Variants in SLC36A1 observed in about 807,000 individuals in gnomAD.
SLC36A1 encodes proton-coupled amino acid transporter 1.
A neutral mutation model predicts 47.5 loss-of-function variants in SLC36A1; 30 were observed. That is an observed-to-expected ratio of 0.63 (90% CI 0.47 to 0.86). SLC36A1 has a LOEUF of 0.86. Ranked by LOEUF, SLC36A1 falls within the 40% of genes least tolerant of loss-of-function variation. The pLI is 0.00. For synonymous variants in SLC36A1, 255 were observed against 249.7 expected, an observed-to-expected ratio of 1.02 and a Z score of -0.20; for missense variants, 517 against 606.0, an observed-to-expected ratio of 0.85 and a Z score of 1.54.
At chr5:151,360,801 G>C in the SLC36A1 span, among the ~76,000 whole-genome samples, 1 of 152,148 alleles carries the variant, frequency 6.6e-6, no homozygotes, top group Non-Finnish European at 1.5e-5. Flanking sequence ...CACTGCTGCT[G>C]CTTCTTCTTC....
chr5:151,393,171 T>G, the SLC36A1 span, among the ~76,000 whole-genome samples: 10 of 151,990 alleles, frequency 6.6e-5, 1 homozygote, highest in Middle Eastern at 3.4e-3. Context: ...CTTCTTTGTC[T>G]CTTTTGATCT....
chr5:151,514,286 T>C, the SLC36A1 span, among the ~76,000 whole-genome samples: 2 of 152,248 alleles, frequency 1.3e-5, no homozygotes, highest in African/African-American at 4.8e-5. Context: ...CATTTCTTTT[T>C]ATCTGTCTGG....
At chr5:151,486,054 G>A (rs1406491390) in intron 10 of SLC36A1, among the ~76,000 whole-genome samples, 1 of 152,184 alleles carries the variant, frequency 6.6e-6, no homozygotes, top group Non-Finnish European at 1.5e-5. Context: ...ACCTGAGACT[G>A]GGTAATTTAT....
Position 151,487,682 on chromosome 5 carries a change from AT to A in SLC36A1, c.1160-298del, listed in dbSNP as rs1374275039. On this transcript the variant is annotated intron_variant, in intron 10 of 10. Transcript: ENST00000243389. ...AGAAACCAGATTGACCTGAAATGTA[AT>A]TTGGTTCCTTTTGCACAGAAAGATG... Among the ~76,000 whole-genome samples the A allele has an allele frequency of 2.0e-5, 3 of 152,054 alleles. No homozygotes were observed. In the South Asian group the frequency reaches 6.2e-4, roughly 32 times the overall value.
intron 7 of SLC36A1, among the ~76,000 whole-genome samples, chr5:151,468,657 C>T (rs1170174496): frequency 6.6e-6 from 1 of 151,428 alleles, no homozygotes; most frequent in South Asian, 2.1e-4. Flanking sequence ...TTATGACAAC[C>T]AAAAATGTCT....
At chr5:151,525,750 GC>G in the SLC36A1 span, 1 of 1,613,894 alleles carries the variant, frequency 6.2e-7, no homozygotes, top group Non-Finnish European at 8.5e-7. Flanking sequence ...ACCACCAGAA[GC>G]CTAGCACAGC....
intron 10 of SLC36A1, among the ~76,000 whole-genome samples, chr5:151,484,950 T>C (rs188500050): frequency 6.6e-6 from 1 of 152,140 alleles, no homozygotes; most frequent in East Asian, 1.9e-4. Flanking sequence ...GCACCATCAC[T>C]GCAAGGATGA....
intron 7 of SLC36A1, among the ~76,000 whole-genome samples, chr5:151,473,214 AT>A (rs1439824486): frequency 1.1e-3 from 171 of 151,376 alleles, no homozygotes; most frequent in Middle Eastern, 3.4e-3. Flanking sequence ...AGATAGATAG[AT>A]AGATAGATAG....
chr5:151,538,731 G>A, the SLC36A1 span, among the ~76,000 whole-genome samples: 1 of 152,146 alleles, frequency 6.6e-6, no homozygotes, highest in Non-Finnish European at 1.5e-5. Context: ...AGGCTTGAGT[G>A]CAGTGGCACG....
intron 2 of SLC36A1, among the ~76,000 whole-genome samples, chr5:151,461,685 A>G (rs1415078007): frequency 6.6e-6 from 1 of 152,230 alleles, no homozygotes; most frequent in Non-Finnish European, 1.5e-5. Context: ...TGTAGAACGA[A>G]TCAAGGCAGT....
chr5:151,479,680 G>T (rs143376861), intron 10 of SLC36A1, 191 bp downstream of exon 10: 1 of 594,572 alleles, frequency 1.7e-6, no homozygotes, highest in Non-Finnish European at 2.9e-6. Flanking sequence ...CATATGTACT[G>T]TAAAGAACAT....
At chr5:151,433,991 T>C (rs989685422), upstream of SLC36A1, among the ~76,000 whole-genome samples, 1 of 152,172 alleles carries the variant, frequency 6.6e-6, no homozygotes, top group Non-Finnish European at 1.5e-5. Flanking sequence ...TTCACTCTGT[T>C]CCACAGTCTA....
chr5:151,426,419 G>A, the SLC36A1 span, among the ~76,000 whole-genome samples: 16 of 152,188 alleles, frequency 1.1e-4, no homozygotes, highest in South Asian at 3.1e-3. Flanking sequence ...GAAAACGTGA[G>A]CAAAGGTCTC....
At chr5:151,396,712 T>C in the SLC36A1 span, among the ~76,000 whole-genome samples, 6 of 152,294 alleles carry the variant, frequency 3.9e-5, no homozygotes, top group Admixed American at 3.3e-4. Context: ...AAGGGGAAGA[T>C]AATAACTTAG....
chr5:151,537,963 AAAG>A, the SLC36A1 span: 1 of 1,612,276 alleles, frequency 6.2e-7, no homozygotes. Flanking sequence ...ATGGAAAGAC[AAAG>A]AAGAGGGAGA....
intron 1 of SLC36A1, among the ~76,000 whole-genome samples, chr5:151,441,028 G>A (rs570211067): frequency 6.6e-6 from 1 of 152,270 alleles, no homozygotes; most frequent in African/African-American, 2.4e-5. Flanking sequence ...CACAACCCAG[G>A]GTTTCTGATG....
chr5:151,522,270 A>T, the SLC36A1 span: 1 of 555,040 alleles, frequency 1.8e-6, no homozygotes, highest in Non-Finnish European at 3.2e-6. Flanking sequence ...GAAAAGAAAG[A>T]TTTTCTGAAG....
At chr5:151,433,802 G>A (rs76996734), upstream of SLC36A1, among the ~76,000 whole-genome samples, 940 of 152,112 alleles carry the variant, frequency 6.2e-3, 14 homozygotes, top group African/African-American at 0.022. Flanking sequence ...GACAAATTCC[G>A]GAGCTGAGGA....
At chr5:151,428,789 C>A in the SLC36A1 span, among the ~76,000 whole-genome samples, 1 of 152,196 alleles carries the variant, frequency 6.6e-6, no homozygotes, top group Non-Finnish European at 1.5e-5. Flanking sequence ...TGCGCCATCA[C>A]ACCCAGCTAA....
Sources: gnomAD v4.1 joint callset for allele counts (sites outside exome capture counted in the v4.1 genomes callset) on GRCh38, gnomAD v4.1.1 for gene constraint, MANE v1.5 for transcripts, NCBI Gene and HGNC (gene_info 2026-07-23, HGNC 2026-07-21) for gene names.